SOX6: variants seen among roughly 807,000 people sequenced by gnomAD.
SOX6 encodes the protein transcription factor SOX-6.
Under a neutral mutation model 97.8 loss-of-function variants are expected in SOX6, and 11 were observed. The observed-to-expected ratio is 0.11, with a 90% CI of 0.07 to 0.19. The LOEUF (loss-of-function observed/expected upper bound fraction) is 0.19. Among genes scored for constraint, SOX6 ranks in the 10% least tolerant of loss-of-function variants. The pLI is 1.00. For synonymous variants in SOX6, 360 were observed against 371.4 expected, an observed-to-expected ratio of 0.97 and a Z score of 0.35; for missense variants, 810 against 1,039.5, an observed-to-expected ratio of 0.78 and a Z score of 3.04.
chr11:16,394,191 G>T (rs868773444), intron 1 of SOX6, among the ~76,000 whole-genome samples: 1 of 151,792 alleles, frequency 6.6e-6, no homozygotes, highest in Admixed American at 6.6e-5. Flanking sequence ...ATGGAAAAAG[G>T]CACCATCAGA....
intron 1 of SOX6, among the ~76,000 whole-genome samples, chr11:16,473,691 A>G (rs1366681721): frequency 6.6e-6 from 1 of 151,712 alleles, no homozygotes; most frequent in Non-Finnish European, 1.5e-5. Context: ...AGCTGGGACT[A>G]CAGGCATGCA....
intron 1 of SOX6, among the ~76,000 whole-genome samples, chr11:16,393,791 C>T (rs913092864): frequency 3.3e-5 from 5 of 152,040 alleles, no homozygotes; most frequent in Non-Finnish European, 7.4e-5. Context: ...AAATTGTTAA[C>T]TACTTTGCAT....
chr11:16,516,153 C>A (rs1409113823), intron 4 of SOX6, among the ~76,000 whole-genome samples: 1 of 148,972 alleles, frequency 6.7e-6, no homozygotes, highest in Non-Finnish European at 1.5e-5. Flanking sequence ...TGGCCATTTT[C>A]ATGATATTGA....
At chr11:16,399,597 TTG>T (rs745438708) in intron 1 of SOX6, among the ~76,000 whole-genome samples, 13 of 151,420 alleles carry the variant, frequency 8.6e-5, no homozygotes, top group Non-Finnish European at 1.6e-4. Flanking sequence ...CCAATATTAG[TTG>T]GGGGAAGACT....
chr11:16,031,495 T>A (rs1188586602), intron 12 of SOX6: 1 of 152,154 alleles, frequency 6.6e-6, no homozygotes, highest in African/African-American at 2.4e-5. Context: ...TCATTGGAGA[T>A]GCACACCCAA....
chr11:16,713,988 A>G (rs1364741318), intron 3 of SOX6, among the ~76,000 whole-genome samples: 1 of 152,240 alleles, frequency 6.6e-6, no homozygotes, highest in African/African-American at 2.4e-5. Flanking sequence ...CCATAATAAA[A>G]AGCTAGAAAA....
chr11:16,620,954 T>A (rs1004193045), intron 3 of SOX6, among the ~76,000 whole-genome samples: 6 of 152,224 alleles, frequency 3.9e-5, no homozygotes, highest in African/African-American at 1.4e-4. Flanking sequence ...TCTGTGCAGT[T>A]ATTAAAAATA....
At position 16,230,569 on chromosome 11, in the gene SOX6, G is replaced by A. The variant is rs187187503; in HGVS notation, c.535+4013C>T. 5.1e-3 allele frequency among the ~76,000 whole-genome samples: 780 copies of A among 151,806 alleles called. 6 individuals carry two copies. The highest frequency in any genetic ancestry group is 0.027 in the Middle Eastern group (8 of 292). On this transcript the variant is annotated intron_variant, in intron 4 of 15. Transcript: ENST00000683767. ...ATGTGCAAATGTGCAGAATTATTGA[G>A]AGACATAAAATAACTGAATAAATGA...
At chr11:16,132,329 A>G (rs1443685256) in intron 6 of SOX6, among the ~76,000 whole-genome samples, 2 of 105,866 alleles carry the variant, frequency 1.9e-5, no homozygotes, top group Non-Finnish European at 2.0e-5. Flanking sequence ...GAAGGAAGGA[A>G]GGAAAGAAAA....
Position 16,733,664 on chromosome 11 carries a change from C to T in SOX6, n.353+2675G>A, listed in dbSNP as rs574511751. 4.2e-4 allele frequency among the ~76,000 whole-genome samples: 61 copies of T among 146,408 alleles called. 2 individuals are homozygous for T. The highest frequency in any genetic ancestry group is 7.1e-3 in the Middle Eastern group (2 of 282). ...ATGGGTGCAGCAAACCATCATGGCA[C>T]GTATATACCTATGTAACAAACCTTC... On this transcript the variant is annotated intron_variant and non_coding_transcript_variant, in intron 2 of 5. Coordinates refer to the SOX6 transcript ENST00000524520.
At chr11:15,993,612 C>A (rs755440088) in intron 13 of SOX6, among the ~76,000 whole-genome samples, 2 of 152,144 alleles carry the variant, frequency 1.3e-5, no homozygotes, top group Non-Finnish European at 2.9e-5. Flanking sequence ...AGCAAGGTCC[C>A]GTATGCCAGG....
chr11:16,113,896 T>C (rs1177462646), intron 6 of SOX6, among the ~76,000 whole-genome samples: 1 of 152,058 alleles, frequency 6.6e-6, no homozygotes, highest in African/African-American at 2.4e-5. Context: ...GGAAGAAGGA[T>C]TGGATTAAGA....
intron 5 of SOX6, among the ~76,000 whole-genome samples, chr11:16,184,918 G>A (rs1433339584): frequency 6.6e-6 from 1 of 152,128 alleles, no homozygotes; most frequent in Non-Finnish European, 1.5e-5. Context: ...TTGTTTAGTA[G>A]TGCCTTTTTG....
intron 4 of SOX6, among the ~76,000 whole-genome samples, chr11:16,213,415 C>A (rs1245622618): frequency 6.6e-6 from 1 of 152,012 alleles, no homozygotes; most frequent in Non-Finnish European, 1.5e-5. Context: ...CTCTCTGACA[C>A]CTAGTTAAAC....
At chr11:16,722,669 A>T (rs965013345) in intron 2 of SOX6, among the ~76,000 whole-genome samples, 1 of 152,174 alleles carries the variant, frequency 6.6e-6, no homozygotes, top group African/African-American at 2.4e-5. Context: ...AAGGCAAAGG[A>T]CATGAAATGA....
chr11:16,590,354 AG>A (rs1848136044), intron 4 of SOX6, among the ~76,000 whole-genome samples: 1 of 152,196 alleles, frequency 6.6e-6, no homozygotes, highest in Admixed American at 6.5e-5. Flanking sequence ...TTTTTAAGAA[AG>A]AAAAATTTTT....
chr11:16,526,816 GA>G (rs1861173790), intron 4 of SOX6, among the ~76,000 whole-genome samples: 1 of 151,946 alleles, frequency 6.6e-6, no homozygotes, highest in Non-Finnish European at 1.5e-5. Context: ...ACACAAAAGA[GA>G]AATTAAGGTC....
intron 12 of SOX6, among the ~76,000 whole-genome samples, chr11:16,036,567 T>C (rs1157535075): frequency 3.9e-5 from 6 of 152,318 alleles, no homozygotes; most frequent in Non-Finnish European, 7.3e-5. Flanking sequence ...TATGATTCTG[T>C]AAGAATAGAA....
At chr11:16,132,435 AAG>A (rs1412083211) in intron 6 of SOX6, among the ~76,000 whole-genome samples, 10 of 110,028 alleles carry the variant, frequency 9.1e-5, no homozygotes, top group East Asian at 4.4e-4. Context: ...GAAAGAAAGA[AAG>A]AAAGAAAAAA....
Sources: allele counts gnomAD v4.1 joint callset (sites outside exome capture counted in the v4.1 genomes callset), GRCh38; gene constraint gnomAD v4.1.1; transcripts MANE v1.5; gene names NCBI Gene and HGNC (gene_info 2026-07-23, HGNC 2026-07-21).